Variants in JPH1 observed in about 807,000 individuals in gnomAD.
JPH1 encodes junctophilin-1.
JPH1 carries 12 observed loss-of-function variants against 53.6 expected under a neutral mutation model. That is an observed-to-expected ratio of 0.22 (90% CI 0.14 to 0.36). The LOEUF is 0.36. Among genes scored for constraint, JPH1 ranks in the 10% least tolerant of loss-of-function variants. The probability of loss-of-function intolerance (pLI) is 1.00; values close to 1 mark genes in which losing one functional copy is unlikely to be tolerated. For missense variants in JPH1, 808 were observed against 905.5 expected, an observed-to-expected ratio of 0.89 and a Z score of 1.38; for synonymous variants, 375 against 363.8, an observed-to-expected ratio of 1.03 and a Z score of -0.35.
At chr8:74,273,219 A>G (rs1323833604) in intron 2 of JPH1, among the ~76,000 whole-genome samples, 1 of 152,224 alleles carries the variant, frequency 6.6e-6, no homozygotes, top group Non-Finnish European at 1.5e-5. Flanking sequence ...TGTTTGCTCG[A>G]TGGGTTTAAT....
chr8:74,257,671 G>A (rs185930836), intron 3 of JPH1, among the ~76,000 whole-genome samples: 1 of 152,280 alleles, frequency 6.6e-6, no homozygotes, highest in Non-Finnish European at 1.5e-5. Flanking sequence ...TTCATTTCAC[G>A]CCAGAGGAGA....
intron 4 of JPH1, among the ~76,000 whole-genome samples, chr8:74,240,801 C>T (rs1805672335): frequency 6.6e-6 from 1 of 152,184 alleles, no homozygotes; most frequent in African/African-American, 2.4e-5. Context: ...AACGTGCCTT[C>T]CATGAAGCCA....
At chr8:74,309,167 C>G (rs1336532059) in intron 2 of JPH1, among the ~76,000 whole-genome samples, 1 of 152,154 alleles carries the variant, frequency 6.6e-6, no homozygotes, top group African/African-American at 2.4e-5. Context: ...TCCCATGCGA[C>G]TGGCCACCTA....
rs181781518 is a variant in JPH1, at chr8:74,298,907, C to T, written c.1139+15954G>A. Among the ~76,000 whole-genome samples, 12 of 152,348 alleles carry T rather than the reference C, an allele frequency of 7.9e-5. No homozygotes were observed. The East Asian group carries it at 2.3e-3, about 29-fold the overall frequency. ...AGATCCTTGTTTTCAGGTTCTACTA[C>T]TGGCAATGGGAGCCATTACGAAACA... On this transcript the variant is annotated intron_variant, in intron 2 of 5. Coordinates refer to ENST00000342232, the MANE Select transcript of JPH1 (RefSeq NM_020647.4).
intron 2 of JPH1, among the ~76,000 whole-genome samples, chr8:74,286,328 G>A (rs145190231): frequency 4.7e-4 from 72 of 152,250 alleles, no homozygotes; most frequent in African/African-American, 1.7e-3. Flanking sequence ...GGGGTACAGT[G>A]TGATGTTTCA....
chr8:74,302,294 C>G (rs984716427), intron 2 of JPH1, among the ~76,000 whole-genome samples: 2 of 152,216 alleles, frequency 1.3e-5, no homozygotes, highest in Non-Finnish European at 2.9e-5. Flanking sequence ...TCTGGAAACA[C>G]TGCCAAAACA....
chr8:74,266,648 T>C (rs1392314947), intron 2 of JPH1, among the ~76,000 whole-genome samples: 2 of 152,190 alleles, frequency 1.3e-5, no homozygotes, highest in Non-Finnish European at 2.9e-5. Context: ...ACTATTGAAA[T>C]GTATATACTT....
chr8:74,274,341 C>T (rs1806788584), intron 2 of JPH1, among the ~76,000 whole-genome samples: 2 of 152,178 alleles, frequency 1.3e-5, no homozygotes, highest in Non-Finnish European at 2.9e-5. Flanking sequence ...TTTCTGGCTC[C>T]AGCTGAGCAC....
At chr8:74,311,372 G>A (rs1367584890) in intron 2 of JPH1, among the ~76,000 whole-genome samples, 1 of 152,084 alleles carries the variant, frequency 6.6e-6, no homozygotes, top group Non-Finnish European at 1.5e-5. Flanking sequence ...CCATAGAGGG[G>A]TCAGATAGAT....
intron 2 of JPH1, among the ~76,000 whole-genome samples, chr8:74,311,292 G>A (rs963854230): frequency 3.3e-5 from 5 of 152,186 alleles, no homozygotes; most frequent in Admixed American, 6.5e-5. Flanking sequence ...ACTGGGCTAG[G>A]TGGGAAGAGT....
intron 1 of JPH1, among the ~76,000 whole-genome samples, chr8:74,317,028 T>C (rs1258933646): frequency 2.0e-5 from 3 of 152,176 alleles, no homozygotes; most frequent in African/African-American, 7.2e-5. Context: ...TCTGATTATA[T>C]AGATCTACCC....
At chr8:74,269,567 G>T (rs1322502825) in intron 2 of JPH1, among the ~76,000 whole-genome samples, 2 of 152,112 alleles carry the variant, frequency 1.3e-5, no homozygotes. Flanking sequence ...CAAGCACAAG[G>T]GTATTTGCTT....
chr8:74,256,140 C>A (rs1265026097), intron 3 of JPH1, among the ~76,000 whole-genome samples: 1 of 152,086 alleles, frequency 6.6e-6, no homozygotes, highest in Non-Finnish European at 1.5e-5. Context: ...TTGGAACCAA[C>A]CCAAATGTCC....
chr8:74,237,096 C>A (rs1807022123), intron 5 of JPH1, 61 bp from the exon 6 acceptor site: 4 of 696,542 alleles, frequency 5.7e-6, no homozygotes, highest in South Asian at 1.9e-5. Flanking sequence ...TCAGGCATAG[C>A]CAAAATTAAA....
At chr8:74,295,838 T>G (rs561078564) in intron 2 of JPH1, among the ~76,000 whole-genome samples, 2 of 152,260 alleles carry the variant, frequency 1.3e-5, no homozygotes, top group South Asian at 4.1e-4. Flanking sequence ...CCCCAGGTCA[T>G]GAGTCAAGAA....
At chr8:74,312,462 T>C (rs894042888) in intron 2 of JPH1, among the ~76,000 whole-genome samples, 3 of 152,190 alleles carry the variant, frequency 2.0e-5, no homozygotes, top group African/African-American at 7.2e-5. Context: ...GTTGCAGAGA[T>C]TGGTCTTGAA....
intron 1 of JPH1, among the ~76,000 whole-genome samples, chr8:74,318,813 T>C (rs556377392): frequency 1.3e-5 from 2 of 152,274 alleles, no homozygotes; most frequent in African/African-American, 2.4e-5. Flanking sequence ...GATATTCCTA[T>C]TTTGGCCAAA....
At chr8:74,266,259 A>C (rs909843936) in intron 2 of JPH1, among the ~76,000 whole-genome samples, 4 of 152,146 alleles carry the variant, frequency 2.6e-5, no homozygotes, top group African/African-American at 9.7e-5. Context: ...TGTTCTATGC[A>C]TTCTAGATAC....
chr8:74,242,914 A>C (rs1805738453), intron 4 of JPH1, among the ~76,000 whole-genome samples: 1 of 152,240 alleles, frequency 6.6e-6, no homozygotes, highest in Non-Finnish European at 1.5e-5. Context: ...TACCAAACAT[A>C]CGTATACTAC....
Sources: gnomAD v4.1 joint callset for allele counts (sites outside exome capture counted in the v4.1 genomes callset) on GRCh38, gnomAD v4.1.1 for gene constraint, MANE v1.5 for transcripts, NCBI Gene and HGNC (gene_info 2026-07-23, HGNC 2026-07-21) for gene names.